The following MESP1 variants were observed in gnomAD, a reference collection of about 807,000 sequenced individuals.
MESP1 encodes the protein mesoderm posterior bHLH transcription factor 1.
In MESP1, 22 loss-of-function variants were observed where a neutral mutation model predicts 15.2. The ratio of observed to expected loss-of-function variants is 1.45; its 90% CI spans 1.04 to 2.07. The LOEUF (loss-of-function observed/expected upper bound fraction) is 2.07, where lower values mean the gene tolerates loss of function less well. Among genes scored for constraint, MESP1 ranks in the 30% most tolerant of loss-of-function variants. MESP1 has a pLI of 0.00. For missense variants in MESP1, 484 were observed against 411.9 expected (o/e 1.17, Z -1.51); for synonymous variants, 216 against 192.6 (o/e 1.12, Z -1.01).
downstream of MESP1, among the ~76,000 whole-genome samples, chr15:89,746,083 C>T (rs1967939881): frequency 6.7e-6 from 1 of 150,054 alleles, no homozygotes; most frequent in African/African-American, 2.5e-5. Context: ...CACACATACA[C>T]ACCTCCACAC....
chr15:89,747,896 C>T (rs1034101119), downstream of MESP1, among the ~76,000 whole-genome samples: 1 of 152,232 alleles, frequency 6.6e-6, no homozygotes, highest in South Asian at 2.1e-4. Context: ...TGAACAGGCA[C>T]ACAGGGTTTC....
the MESP1 span, chr15:89,733,337 C>A: frequency 3.2e-6 from 3 of 934,736 alleles, no homozygotes; most frequent in Non-Finnish European, 4.7e-6. Flanking sequence ...AGTCATCACT[C>A]TCCTGGTGAG....
At chr15:89,748,295 G>A (rs1968012505), downstream of MESP1, among the ~76,000 whole-genome samples, 1 of 152,214 alleles carries the variant, frequency 6.6e-6, no homozygotes, top group African/African-American at 2.4e-5. Flanking sequence ...CAGGAAAGGG[G>A]GTGACCCGCG....
At chr15:89,740,910 C>T in the MESP1 span, among the ~76,000 whole-genome samples, 5 of 151,678 alleles carry the variant, frequency 3.3e-5, no homozygotes, top group African/African-American at 4.8e-5. Flanking sequence ...GAGGCCAAGG[C>T]GGGTGGATCA....
At chr15:89,746,975 GCA>G (rs139505842), downstream of MESP1, among the ~76,000 whole-genome samples, 163 of 100,182 alleles carry the variant, frequency 1.6e-3, no homozygotes, top group African/African-American at 5.9e-3. Context: ...ACACACACGT[GCA>G]CACAGAGCCC....
At chr15:89,735,704 A>G in the MESP1 span, 3 of 760,146 alleles carry the variant, frequency 3.9e-6, no homozygotes, top group South Asian at 1.8e-5. Context: ...AAAGAGAAAG[A>G]ACCTGCCTTC....
chr15:89,740,982 G>T, the MESP1 span, among the ~76,000 whole-genome samples: 1 of 151,746 alleles, frequency 6.6e-6, no homozygotes. Context: ...TCTACTAAAA[G>T]TACAAAAATT....
the MESP1 span, among the ~76,000 whole-genome samples, chr15:89,738,553 G>GGAGGCA: frequency 5.3e-5 from 8 of 151,296 alleles, no homozygotes; most frequent in African/African-American, 1.9e-4. Context: ...CTTAAACCTG[G>GGAGGCA]GAGGCAGAGG....
At chr15:89,745,278 C>T (rs550954570), downstream of MESP1, among the ~76,000 whole-genome samples, 1 of 152,252 alleles carries the variant, frequency 6.6e-6, no homozygotes, top group South Asian at 2.1e-4. The surrounding 1 kb of genome is among the most constrained non-coding windows in gnomAD (Gnocchi z 4.8). Context: ...GTCTTATGTG[C>T]CAGGTCCCAC....
the MESP1 span, among the ~76,000 whole-genome samples, chr15:89,740,022 G>C: frequency 3.9e-5 from 6 of 152,118 alleles, no homozygotes; most frequent in Non-Finnish European, 7.4e-5. Flanking sequence ...TCCTCATTCA[G>C]TCAAAAAACA....
chr15:89,741,758 A>T, the MESP1 span, among the ~76,000 whole-genome samples: 1 of 150,610 alleles, frequency 6.6e-6, no homozygotes, highest in Admixed American at 6.6e-5. Context: ...TATCTCCAAT[A>T]CTTTTTTTTT....
downstream of MESP1, among the ~76,000 whole-genome samples, chr15:89,748,211 T>G (rs1453134993): frequency 6.6e-6 from 1 of 152,030 alleles, no homozygotes; most frequent in Non-Finnish European, 1.5e-5. Context: ...TTCTAAGCTG[T>G]GTCGGCTCCA....
the MESP1 span, chr15:89,738,061 G>A: frequency 1.2e-6 from 2 of 1,612,216 alleles, no homozygotes; most frequent in South Asian, 2.2e-5. Context: ...ACATGAAACT[G>A]CGTCCACCGA....
At chr15:89,737,377 C>G in the MESP1 span, among the ~76,000 whole-genome samples, 1 of 152,168 alleles carries the variant, frequency 6.6e-6, no homozygotes, top group Non-Finnish European at 1.5e-5. Flanking sequence ...GGAGGAGGGT[C>G]TGTTGGCTGA....
the MESP1 span, chr15:89,737,479 T>G: frequency 6.6e-7 from 1 of 1,506,706 alleles, no homozygotes; most frequent in Admixed American, 1.9e-5. Context: ...GTCCAGCTGC[T>G]TCTCTCATTC....
chr15:89,743,104 A>G, the MESP1 span, among the ~76,000 whole-genome samples: 1 of 152,154 alleles, frequency 6.6e-6, no homozygotes, highest in African/African-American at 2.4e-5. Context: ...TAGACCCATC[A>G]TTCCTCCAGG....
the MESP1 span, among the ~76,000 whole-genome samples, chr15:89,741,438 GGCT>G: frequency 1.3e-5 from 2 of 152,074 alleles, no homozygotes; most frequent in Non-Finnish European, 2.9e-5. Flanking sequence ...ATGTTGCCCA[GGCT>G]GGTCTTGAAC....
the MESP1 span, among the ~76,000 whole-genome samples, chr15:89,744,561 G>A: frequency 6.6e-6 from 1 of 152,214 alleles, no homozygotes; most frequent in Non-Finnish European, 1.5e-5. Context: ...AAGCAACCTT[G>A]TGAAACATAG....
downstream of MESP1, among the ~76,000 whole-genome samples, chr15:89,746,549 A>G (rs1352402164): frequency 3.0e-5 from 4 of 132,224 alleles, no homozygotes; most frequent in African/African-American, 1.3e-4. Context: ...ACACAGCCCA[A>G]CCTCCACACA....
Sources: gnomAD v4.1 joint callset for allele counts (sites outside exome capture counted in the v4.1 genomes callset) on GRCh38, gnomAD v4.1.1 for gene constraint, Gnocchi (gnomAD v3.1) non-coding constraint, MANE v1.5 for transcripts, NCBI Gene and HGNC (gene_info 2026-07-23, HGNC 2026-07-21) for gene names.